The following SPART variants were observed in gnomAD, a reference collection of about 807,000 sequenced individuals.
SPART encodes spastic paraplegia 20 (Troyer syndrome).
SPART carries 35 observed loss-of-function variants against 58.7 expected under a neutral mutation model. That is an observed-to-expected ratio of 0.60 (90% CI 0.46 to 0.79). The LOEUF (loss-of-function observed/expected upper bound fraction) is 0.79. SPART is among the 30% of genes least tolerant of loss of function. The pLI, the probability that SPART is intolerant of heterozygous loss-of-function variation, is 0.00. For missense variants in SPART, 730 were observed against 786.1 expected (o/e 0.93, Z 0.85); for synonymous variants, 284 against 280.7 (o/e 1.01, Z -0.12).
chr13:36,326,825 C>T, intron 4 of SPART, 127 bp from the exon 5 acceptor site: 1 of 1,015,466 alleles, frequency 9.8e-7, no homozygotes, highest in East Asian at 2.6e-5. Flanking sequence ...CTCCAGCCAA[C>T]CTAGTTACCA....
rs1880242326 is a variant in SPART, at chr13:36,304,073, G to A, written c.*292C>T. 2 of 428,094 alleles carry A rather than the reference G, an allele frequency of 4.7e-6. No homozygotes were observed. Among genetic ancestry groups the A allele is most frequent in the Admixed American group, 4.0e-5 (1 of 24,756 alleles). 26.5% of individuals were successfully genotyped at this position (428,094 alleles called of 1,614,324 possible). On this transcript the variant is annotated 3_prime_UTR_variant, in exon 9 of 9. Coordinates refer to ENST00000438666, the MANE Select transcript of SPART (RefSeq NM_015087.5). ...ATAGTTCAATATTAGGTTTAACAAG[G>A]TTTGAACAACACATGTACTATCAGC...
Position 36,326,558 on chromosome 13 carries a change from T to C in SPART, c.1288+17A>G. On this transcript the variant is annotated intron_variant, in intron 5 of 8. Coordinates refer to ENST00000438666, the MANE Select transcript of SPART (RefSeq NM_015087.5). ...CTTAATGTCATACAGGGAAAAAAAT[T>C]AACATTACTGTAATACCTGACAAAA... 6.2e-7 allele frequency: 1 copy of C among 1,612,986 alleles called. No homozygotes were observed. Among genetic ancestry groups the C allele is most frequent in the African/African-American group, 1.3e-5 (1 of 75,024 alleles).
intron 2 of SPART, among the ~76,000 whole-genome samples, chr13:36,333,428 T>TA (rs1350375698): frequency 4.1e-5 from 1 of 24,362 alleles, no homozygotes; most frequent in Non-Finnish European, 7.6e-5. Flanking sequence ...ATTATTATTG[T>TA]ATTTTTTTTT....
At chr13:36,349,696 A>G (rs1327416273), upstream of SPART, among the ~76,000 whole-genome samples, 2 of 152,370 alleles carry the variant, frequency 1.3e-5, no homozygotes, top group East Asian at 1.9e-4. Flanking sequence ...TTCCTAAATT[A>G]TATTAAAAAG....
At chr13:36,330,439 C>T (rs1883357754) in intron 3 of SPART, among the ~76,000 whole-genome samples, 1 of 152,002 alleles carries the variant, frequency 6.6e-6, no homozygotes, top group African/African-American at 2.4e-5. Context: ...TACACACACA[C>T]ACACACACAC....
rs376519286 is a variant in SPART, at chr13:36,331,433, T to C, written c.974A>G (p.Asp325Gly). The C allele has an allele frequency of 2.5e-6, 4 of 1,613,934 alleles. No individual in the cohort carries two copies. The African/African-American group carries it at 5.3e-5, about 22-fold the overall frequency. Reference sequence around the variant, plus strand: ...AAGGTCAGACATTTGCCTTAACAGATCCTCAAAGAGCTCTCTATCATCCTC... The same window carrying C: ...AAGGTCAGACATTTGCCTTAACAGACCCTCAAAGAGCTCTCTATCATCCTC... ...LPEDDRELFE[D>G]LLRQMSDLRL... The change falls in exon 3 of 9, where the codon GAT becomes GGT. Residue 325 changes from aspartate to glycine, a missense_variant. Transcript: ENST00000438666.
chr13:36,314,588 C>A (rs1881487148), intron 5 of SPART, 167 bp from the exon 6 acceptor site: 3 of 719,960 alleles, frequency 4.2e-6, no homozygotes, highest in African/African-American at 1.8e-5. Flanking sequence ...AGTTTTCTTC[C>A]TGAATACTTA....
At chr13:36,319,807 C>G (rs1555260904) in intron 5 of SPART, among the ~76,000 whole-genome samples, 1 of 145,556 alleles carries the variant, frequency 6.9e-6, no homozygotes, top group African/African-American at 2.5e-5. Flanking sequence ...TGTACTGCCA[C>G]AAAGCTTCTC....
intron 1 of SPART, among the ~76,000 whole-genome samples, chr13:36,341,218 A>C (rs1884549032): frequency 6.6e-6 from 1 of 152,192 alleles, no homozygotes; most frequent in Non-Finnish European, 1.5e-5. Flanking sequence ...AGAAAATTTA[A>C]TTACTATTAA....
intron 1 of SPART, among the ~76,000 whole-genome samples, chr13:36,337,744 T>C (rs569811374): frequency 3.3e-5 from 5 of 152,294 alleles, no homozygotes; most frequent in South Asian, 2.1e-4. Context: ...GTTCCGATAT[T>C]GTGGTGGTTG....
chr13:36,366,778 A>G (rs1396390628), intron 1 of SPART, among the ~76,000 whole-genome samples: 4 of 138,800 alleles, frequency 2.9e-5, no homozygotes, highest in Admixed American at 7.4e-5. Context: ...AAACCACCCT[A>G]CGTGTATCTG....
intron 1 of SPART, chr13:36,345,379 T>C (rs1884991613): frequency 6.6e-6 from 1 of 152,212 alleles, no homozygotes; most frequent in African/African-American, 2.4e-5. Flanking sequence ...AATAATTCCA[T>C]ATAGGTGCAG....
intron 8 of SPART, among the ~76,000 whole-genome samples, chr13:36,311,002 C>G (rs764313503): frequency 2.0e-5 from 3 of 152,140 alleles, no homozygotes; most frequent in African/African-American, 2.4e-5. Flanking sequence ...GCTGCCTTCT[C>G]TGTGTGTCAC....
intron 5 of SPART, among the ~76,000 whole-genome samples, chr13:36,317,985 G>A (rs1157430661): frequency 6.6e-6 from 1 of 152,106 alleles, no homozygotes; most frequent in Non-Finnish European, 1.5e-5. Context: ...TTCCTAGTCT[G>A]TGCCCAGTGC....
At chr13:36,331,111 C>T (rs759137033) in intron 3 of SPART, among the ~76,000 whole-genome samples, 7 of 152,026 alleles carry the variant, frequency 4.6e-5, no homozygotes, top group Non-Finnish European at 8.8e-5. Flanking sequence ...TGTTATTATC[C>T]CCATTTTATA....
At chr13:36,368,729 C>T (rs188457789) in intron 1 of SPART, among the ~76,000 whole-genome samples, 7 of 152,274 alleles carry the variant, frequency 4.6e-5, no homozygotes, top group South Asian at 4.1e-4. Flanking sequence ...ATTGGCTGGG[C>T]GCAGTGGCTC....
At chr13:36,333,999 T>G (rs1364962206) in intron 2 of SPART, among the ~76,000 whole-genome samples, 1 of 152,130 alleles carries the variant, frequency 6.6e-6, no homozygotes, top group African/African-American at 2.4e-5. Flanking sequence ...TGACTTCATA[T>G]AAAAACTACA....
At chr13:36,330,712 A>C (rs1387418441) in intron 3 of SPART, among the ~76,000 whole-genome samples, 1 of 152,216 alleles carries the variant, frequency 6.6e-6, no homozygotes, top group Non-Finnish European at 1.5e-5. Flanking sequence ...GTTAAACAGA[A>C]ATACTCTATT....
At chr13:36,350,376 C>G (rs2137689201), upstream of SPART, among the ~76,000 whole-genome samples, 1 of 152,332 alleles carries the variant, frequency 6.6e-6, no homozygotes, top group South Asian at 2.1e-4. Flanking sequence ...ACATTTTCCA[C>G]TGGGCCATTC....
Sources: gnomAD v4.1 joint callset for allele counts (sites outside exome capture counted in the v4.1 genomes callset) on GRCh38, gnomAD v4.1.1 for gene constraint, MANE v1.5 for transcripts, NCBI Gene and HGNC (gene_info 2026-07-23, HGNC 2026-07-21) for gene names.